ROS1: variants seen among roughly 807,000 people sequenced by gnomAD.
ROS1 encodes the protein ROS proto-oncogene 1, receptor tyrosine kinase, also known as proto-oncogene tyrosine-protein kinase ROS.
ROS1 carries 263 observed loss-of-function variants against 273.5 expected under a neutral mutation model. That is an observed-to-expected ratio of 0.96 (90% CI 0.87 to 1.06). The LOEUF is 1.06. Among genes scored for constraint, ROS1 ranks in the 50% least tolerant of loss-of-function variants. ROS1 has a pLI of 0.00. For missense variants in ROS1, 2,833 were observed against 2,751.1 expected (o/e 1.03, Z -0.67); for synonymous variants, 1,008 against 954.1 (o/e 1.06, Z -1.04).
At chr6:117,403,964 A>T (rs1298254192) in intron 6 of ROS1, among the ~76,000 whole-genome samples, 1 of 152,148 alleles carries the variant, frequency 6.6e-6, no homozygotes, top group Admixed American at 6.5e-5. Flanking sequence ...GGGCAGGGCG[A>T]GGTGGCTCAT....
At position 117,403,252 on chromosome 6, in the gene ROS1, A is replaced by C; in HGVS notation, c.491T>G (p.Val164Gly). 1 of 1,611,780 alleles carries C rather than the reference A, an allele frequency of 6.2e-7. No individual in the cohort carries two copies. Among genetic ancestry groups the C allele is most frequent in the South Asian group, 1.1e-5 (1 of 90,360 alleles). Residue 164 changes from valine to glycine, a missense_variant, in exon 7 of 44, where the codon GTC becomes GGC. Physicochemically the swap from Val to Gly is moderately radical, Grantham distance 109 (BLOSUM62 -3). Transcript: ENST00000368507. ...CTCAGTGAAGGGGTGCAGGGGCTTG[A>C]CCACATAGGACGGTCTGGACACAGT... is the stretch of plus-strand genomic sequence containing the variant. ...TKTVSRPSYV[V>G]KPLHPFTEYI...
chr6:117,326,120 TATATATAG>T (rs1562274007), intron 34 of ROS1, 96 bp downstream of exon 34: 1 of 287,036 alleles, frequency 3.5e-6, no homozygotes, highest in Non-Finnish European at 6.0e-6. Flanking sequence ...TATATATATA[TATATATAG>T]TCACCATTAT....
intron 3 of ROS1, among the ~76,000 whole-genome samples, 159 bp downstream of exon 3, chr6:117,416,099 G>A (rs892386753): frequency 6.6e-6 from 1 of 152,120 alleles, no homozygotes; most frequent in Non-Finnish European, 1.5e-5. Context: ...CCATTACTAT[G>A]TATTATCCAG....
intron 39 of ROS1, among the ~76,000 whole-genome samples, chr6:117,316,579 A>G (rs1775934431): frequency 6.6e-6 from 1 of 152,054 alleles, no homozygotes. Context: ...CTGGGGATAC[A>G]AGAGAAGAAG....
In ROS1 at chr6:117,425,559, C is replaced by T. The variant is rs2128753295; in HGVS notation, c.98G>A (p.Cys33Tyr). 1 of 1,600,768 alleles carries T rather than the reference C, an allele frequency of 6.2e-7. No individual in the cohort carries two copies. The change falls in exon 1 of 44, where the codon TGC becomes TAC. Residue 33 changes from cysteine to tyrosine, a missense_variant. By Grantham distance (194) the Cys-to-Tyr change is radical. Coordinates refer to ENST00000368507, the MANE Select transcript of ROS1 (RefSeq NM_001378902.1). Reference protein sequence around the residue: ...SVVQCTVLNSCLKSCVTNLGQ... With the variant: ...SVVQCTVLNSYLKSCVTNLGQ... ...CAGATTAGTTACACACGACTTTAGG[C>T]AGCTATTTAAAACTGTACACTGCAC... is the stretch of plus-strand genomic sequence containing the variant.
intron 7 of ROS1, among the ~76,000 whole-genome samples, chr6:117,401,803 T>C (rs1352403034): frequency 4.5e-5 from 4 of 89,186 alleles, no homozygotes; most frequent in Non-Finnish European, 8.8e-5. Context: ...AACTTTTCAG[T>C]AAAAAAAAAA....
Position 117,359,983 on chromosome 6 carries a change from A to G in ROS1, c.3459T>C (p.Thr1153=), listed in dbSNP as rs556578442. The change falls in exon 24 of 44, where the codon ACT becomes ACC. Residue 1153 remains threonine (T), a synonymous_variant. Transcript: ENST00000368507. ...SEINPFPHLI[T]LLGNKIVFLD... ...AAAAAACTATCTTGTTACCAAGAAG[A>G]GTTATGAGGTGAGGAAATGGGTTGA... 6.2e-7 allele frequency: 1 copy of G among 1,613,786 alleles called. No homozygotes were observed. Among genetic ancestry groups the G allele is most frequent in the South Asian group, 1.1e-5 (1 of 91,066 alleles).
At chr6:117,336,548 C>G (rs1777493487) in intron 32 of ROS1, among the ~76,000 whole-genome samples, 1 of 152,122 alleles carries the variant, frequency 6.6e-6, no homozygotes, top group South Asian at 2.1e-4. Context: ...GTATATGTAC[C>G]ACATTTGCTT....
chr6:117,347,279 T>C (rs1778456577), intron 27 of ROS1, among the ~76,000 whole-genome samples: 1 of 152,140 alleles, frequency 6.6e-6, no homozygotes, highest in Non-Finnish European at 1.5e-5. Flanking sequence ...TTTTTGTGCA[T>C]ATGCTGTTAG....
chr6:117,410,714 G>A (rs961180830), intron 4 of ROS1, among the ~76,000 whole-genome samples: 4 of 152,104 alleles, frequency 2.6e-5, no homozygotes, highest in Non-Finnish European at 4.4e-5. Context: ...TGGTAATAGC[G>A]GAAAGCAGGC....
intron 43 of ROS1, among the ~76,000 whole-genome samples, chr6:117,290,706 T>C (rs1181619618): frequency 6.6e-6 from 1 of 152,154 alleles, no homozygotes; most frequent in Non-Finnish European, 1.5e-5. Flanking sequence ...CACTGGGATA[T>C]TTTTACTAGA....
intron 18 of ROS1, among the ~76,000 whole-genome samples, chr6:117,370,733 A>G (rs922892555): frequency 2.6e-5 from 4 of 151,734 alleles, no homozygotes; most frequent in Admixed American, 2.6e-4. Context: ...AAAAATGCAT[A>G]TTTTAATTTC....
chr6:117,313,379 C>A (rs1311952745), intron 39 of ROS1, among the ~76,000 whole-genome samples: 2 of 151,920 alleles, frequency 1.3e-5, no homozygotes, highest in Non-Finnish European at 2.9e-5. Context: ...ACCAGCCTGA[C>A]CAACATGGTG....
At chr6:117,415,105 G>T (rs903624320) in intron 3 of ROS1, among the ~76,000 whole-genome samples, 1 of 152,188 alleles carries the variant, frequency 6.6e-6, no homozygotes, top group Admixed American at 6.5e-5. Context: ...CCCCAACACA[G>T]CTTACATGTT....
chr6:117,410,184 C>G (rs917477647), intron 4 of ROS1, among the ~76,000 whole-genome samples: 4 of 152,094 alleles, frequency 2.6e-5, no homozygotes, highest in Non-Finnish European at 5.9e-5. Context: ...TTTAATGTGA[C>G]TCTTGGTTGG....
At chr6:117,328,444 C>G in intron 33 of ROS1, 1 of 331,378 alleles carries the variant, frequency 3.0e-6, no homozygotes, top group East Asian at 4.5e-5. Flanking sequence ...ATGTATTTCA[C>G]TCTGCATGAA....
At chr6:117,334,606 C>T (rs953509420) in intron 32 of ROS1, among the ~76,000 whole-genome samples, 3 of 152,088 alleles carry the variant, frequency 2.0e-5, no homozygotes, top group African/African-American at 7.2e-5. Context: ...TATTACAAAG[C>T]TACAGTAACA....
chr6:117,292,119 A>G (rs1305039195), intron 43 of ROS1, among the ~76,000 whole-genome samples: 6 of 151,836 alleles, frequency 4.0e-5, no homozygotes, highest in Non-Finnish European at 7.4e-5. Context: ...ACAGGCGCCC[A>G]CCACCATGCC....
At chr6:117,326,089 GATTATATATATATATATATAT>G (rs1219456542) in intron 34 of ROS1, 114 bp downstream of exon 34, 35 of 166,714 alleles carry the variant, frequency 2.1e-4, no homozygotes, top group African/African-American at 1.1e-3. Flanking sequence ...TGGATAATAA[GATTATATATATATATATATAT>G]ATATATATAT....
Sources: gnomAD v4.1 joint callset for allele counts (sites outside exome capture counted in the v4.1 genomes callset) on GRCh38, gnomAD v4.1.1 for gene constraint, MANE v1.5 for transcripts, NCBI Gene and HGNC (gene_info 2026-07-23, HGNC 2026-07-21) for gene names.